The following POLG variants were observed in gnomAD, a reference collection of about 807,000 sequenced individuals.
POLG encodes DNA polymerase subunit gamma-1.
A neutral mutation model predicts 155.4 loss-of-function variants in POLG; 110 were observed. That is an observed-to-expected ratio of 0.71 (90% CI 0.61 to 0.83). POLG has a LOEUF of 0.83. Among genes scored for constraint, POLG ranks in the 40% least tolerant of loss-of-function variants. POLG has a pLI of 0.00. For missense variants in POLG, 1,685 were observed against 1,627.5 expected (o/e 1.04, Z -0.61); for synonymous variants, 701 against 631.5 (o/e 1.11, Z -1.65).
chr15:89,326,888 C>T (rs928192031), intron 8 of POLG, 24 bp downstream of exon 8: 2 of 1,613,712 alleles, frequency 1.2e-6, no homozygotes, highest in Admixed American at 3.3e-5. Flanking sequence ...CTACCCTACC[C>T]TACCTCCCAC....
Position 89,333,911 on chromosome 15 carries a change from A to C in POLG, c.-157T>G. 1 of 764,214 alleles carries C rather than the reference A, an allele frequency of 1.3e-6. No individual in the cohort carries two copies. Among genetic ancestry groups the C allele is most frequent in the African/African-American group, 1.7e-5 (1 of 57,468 alleles). The allele number at this position is 764,214 out of a possible 1,614,324, so 47.3% of individuals were successfully genotyped here. ...TGACCATGCCTGCCTTCCACCCCAA[A>C]TCCTAAAGGAGACAGATGATATAAA... On this transcript the variant is annotated splice_region_variant and 5_prime_UTR_variant, in exon 2 of 23. Coordinates refer to ENST00000268124, the MANE Select transcript of POLG (RefSeq NM_002693.3).
In POLG at chr15:89,316,375, C is replaced by CATTA. The variant is rs758928059; in HGVS notation, c.*372_*375dup. 1.2e-5 allele frequency: 19 copies of CATTA among 1,605,946 alleles called. No homozygotes were observed. The highest frequency in any genetic ancestry group is 5.1e-5 in the Admixed American group (3 of 59,372). ...TTGGAGCAGGTTTATCACGTTAGAG[C>CATTA]ATTAATTCTTTCCCCTTCTAGGGCA... On this transcript the variant is annotated 3_prime_UTR_variant, in exon 23 of 23. Coordinates refer to ENST00000268124, the MANE Select transcript of POLG (RefSeq NM_002693.3).
intron 9 of POLG, 131 bp from the exon 10 acceptor site, chr15:89,325,817 C>T (rs925483102): frequency 1.6e-5 from 12 of 770,260 alleles, no homozygotes; most frequent in African/African-American, 6.8e-5. Context: ...AGCCTACAGC[C>T]GCCATCCCCT....
chr15:89,327,559 A>C (rs1443576372), intron 6 of POLG, among the ~76,000 whole-genome samples: 1 of 152,192 alleles, frequency 6.6e-6, no homozygotes, highest in Non-Finnish European at 1.5e-5. Flanking sequence ...TAAAATGGGA[A>C]CAATATCATC....
At chr15:89,320,052 C>G (rs1193931708) in intron 18 of POLG, among the ~76,000 whole-genome samples, 1 of 152,246 alleles carries the variant, frequency 6.6e-6, no homozygotes, top group Non-Finnish European at 1.5e-5. Context: ...CTTACCCGAC[C>G]TCACTTTATC....
chr15:89,320,120 T>C (rs1423912689), intron 18 of POLG, among the ~76,000 whole-genome samples: 2 of 152,234 alleles, frequency 1.3e-5, no homozygotes, highest in African/African-American at 4.8e-5. Flanking sequence ...CACTATATCA[T>C]TTATCACATA....
In POLG at chr15:89,333,447, C is replaced by G. The variant is rs763390241; in HGVS notation, c.308G>C (p.Ser103Thr). 9.9e-6 allele frequency: 16 copies of G among 1,610,238 alleles called. No homozygotes were observed. The highest frequency in any genetic ancestry group is 1.3e-5 in the Non-Finnish European group (15 of 1,179,700). ...CCCGTGCTTCTGCAGGTGCTCGACG[C>G]TGCGGCGCACCGCGGCCTCGCCAGG... The part of the protein sequence containing the change: ...EMPGEAAVRR[S>T]VEHLQKHGLW... Residue 103 changes from serine (S) to threonine (T), a missense_variant, in exon 2 of 23, where the codon AGC becomes ACC. Physicochemically the swap from Ser to Thr is moderately conservative, Grantham distance 58. Around this residue, in one of 3 missense-constraint regions of POLG, gnomAD observed 1,210 missense variants for 1,167.1 expected, o/e 1.04. Transcript: ENST00000268124.
Position 89,330,226 on chromosome 15 carries a change from C to T in POLG, c.710G>A (p.Ser237Asn), listed in dbSNP as rs1275576932. 6.2e-7 allele frequency: 1 copy of T among 1,613,368 alleles called. No individual in the cohort carries two copies. Among genetic ancestry groups the T allele is most frequent in the Non-Finnish European group, 8.5e-7 (1 of 1,180,012 alleles). ...GATGAGGTCAGCCGGCGACAGCTGG[C>T]TGGTCCAAGAGTAACGCTCTTCCAC... ...RLVEERYSWT[S>N]QLSPADLIPL... is the part of the protein sequence containing the mutation. The change falls in exon 3 of 23, where the codon AGC becomes AAC. Residue 237 changes from serine to asparagine, a missense_variant. Ser to Asn is a conservative substitution (Grantham distance 46). Around this residue, in one of 3 missense-constraint regions of POLG, gnomAD observed 1,210 missense variants for 1,167.1 expected, o/e 1.04. Transcript: ENST00000268124.
rs186618556 is a variant in POLG, at chr15:89,323,128, A to G, written c.2266-226T>C. Among the ~76,000 whole-genome samples the G allele has an allele frequency of 1.4e-3, 213 of 152,356 alleles. 1 individual carries two copies. The highest frequency in any genetic ancestry group is 4.6e-3 in the African/African-American group (191 of 41,576). On this transcript the variant is annotated intron_variant, in intron 13 of 22. Coordinates refer to ENST00000268124, the MANE Select transcript of POLG (RefSeq NM_002693.3). The stretch of plus-strand genomic sequence containing the variant: ...ACAAGCAAACCTGGCTCCCTGCATA[A>G]TAACAAATCGGAAAAACCTATCACG...
rs760607209 is a variant in POLG at position 89,319,302 on chromosome 15, G to A, written c.3030C>T (p.Leu1010=). The A allele has an allele frequency of 4.0e-5, 65 of 1,614,030 alleles. No individual in the cohort carries two copies. Among genetic ancestry groups the A allele is most frequent in the Non-Finnish European group, 5.2e-5 (61 of 1,180,022 alleles). The part of the protein sequence containing the change: ...EGEWLVRELN[L]PVDRTEGGWI... Reference sequence around the variant, plus strand: ...AGCCACCCTCAGTCCTGTCCACTGGGAGGTTCAACTCCCTCACCAGCCACT... The same window carrying A: ...AGCCACCCTCAGTCCTGTCCACTGGAAGGTTCAACTCCCTCACCAGCCACT... Residue 1010 remains leucine, a synonymous_variant, in exon 19 of 23, where the codon CTC becomes CTT. Coordinates refer to ENST00000268124, the MANE Select transcript of POLG (RefSeq NM_002693.3).
At chr15:89,323,565 A>G (rs923616074) in intron 12 of POLG, 54 bp from the exon 13 acceptor site, 19 of 1,176,344 alleles carry the variant, frequency 1.6e-5, no homozygotes, top group Admixed American at 1.4e-4. Flanking sequence ...GCATTCAGCA[A>G]GGGCCATGGG....
intron 10 of POLG, among the ~76,000 whole-genome samples, chr15:89,325,111 A>AGTGAGTGAGTGAGAGAGTGAGT (rs1555453311): frequency 5.4e-5 from 2 of 36,912 alleles, no homozygotes; most frequent in Non-Finnish European, 9.9e-5. Context: ...AGAGTGAGAG[A>AGTGAGTGAGTGAGAGAGTGAGT]GAGTGAGTGA....
Position 89,323,496 on chromosome 15 carries a change from G to A in POLG, c.2173C>T (p.Pro725Ser). 6.2e-7 allele frequency: 1 copy of A among 1,611,482 alleles called. No homozygotes were observed. Among genetic ancestry groups the A allele is most frequent in the Non-Finnish European group, 8.5e-7 (1 of 1,177,604 alleles). ...QPLALTARGGPKDTQPSYHHG... is the reference protein window; with the variant it reads ...QPLALTARGGSKDTQPSYHHG... ...TGATAGCTGGGCTGGGTGTCCTTGG[G>A]GCCACCACGGGCAGTCTGTGAGGGC... The change falls in exon 13 of 23, where the codon CCC becomes TCC. Residue 725 changes from proline (P) to serine (S), a missense_variant. This residue lies in a region of POLG where 1,210 missense variants were observed against 1,167.1 expected (regional missense o/e 1.04). Transcript: ENST00000268124.
chr15:89,326,437 G>A (rs2055518443), intron 9 of POLG, among the ~76,000 whole-genome samples, 175 bp downstream of exon 9: 1 of 152,236 alleles, frequency 6.6e-6, no homozygotes, highest in East Asian at 1.9e-4. Context: ...AGTCCAGTGA[G>A]CCGGTCCAGA....
In POLG at chr15:89,318,655, A is replaced by G. The variant is rs1441495346; in HGVS notation, c.3368T>C (p.Phe1123Ser). ...LVAMKWLFEE[F>S]AIDGRFCISI... ...GATGCAGAAGCGCCCATCTATGGCA[A>G]ACTCTTCAAACAGCCACTTCATGGC... is the stretch of plus-strand genomic sequence containing the variant. Residue 1123 changes from phenylalanine to serine, a missense_variant, in exon 21 of 23, where the codon TTT (phenylalanine) becomes TCT (serine). Coordinates refer to ENST00000268124, the MANE Select transcript of POLG (RefSeq NM_002693.3). 5.6e-6 allele frequency: 9 copies of G among 1,614,134 alleles called. No individual in the cohort carries two copies. Among genetic ancestry groups the G allele is most frequent in the Admixed American group, 3.3e-5 (2 of 60,012 alleles).
rs1411317487 is a variant in POLG at position 89,316,457 on chromosome 15, T to A, written c.*294A>T. The A allele has an allele frequency of 3.7e-6, 6 of 1,609,074 alleles. No homozygotes were observed. The highest frequency in any genetic ancestry group is 5.1e-6 in the Non-Finnish European group (6 of 1,177,166). On this transcript the variant is annotated 3_prime_UTR_variant, in exon 23 of 23. Coordinates refer to ENST00000268124, the MANE Select transcript of POLG (RefSeq NM_002693.3). ...ACCAGCCAAGAAGAAAAGGAAAAAA[T>A]AAATGAAATGCCTGAGTTAATGTGA...
chr15:89,317,057 T>C (rs2055292394), intron 22 of POLG: 1 of 592,768 alleles, frequency 1.7e-6, no homozygotes, highest in Admixed American at 3.0e-5. Flanking sequence ...GTTTGGTATT[T>C]AAAGCACAGT....
At position 89,325,580 on chromosome 15, in the gene POLG, A is replaced by T; in HGVS notation, c.1819T>A (p.Trp607Arg). Residue 607 changes from tryptophan to arginine, a missense_variant, in exon 10 of 23, where the codon TGG becomes AGG. Coordinates refer to ENST00000268124, the MANE Select transcript of POLG (RefSeq NM_002693.3). ...RVTPKLMALT[W>R]DGFPLHYSER... ...GAGTAGTGCAGAGGGAAGCCATCCC[A>T]GGTAAGTGCCATGAGTTTAGGTGTG... is the stretch of plus-strand genomic sequence containing the variant. The T allele has an allele frequency of 6.2e-7, 1 of 1,613,796 alleles. No individual in the cohort carries two copies. The highest frequency in any genetic ancestry group is 8.5e-7 in the Non-Finnish European group (1 of 1,179,992).
rs1252444541 is a variant in POLG, at chr15:89,324,092, A to G, written c.2070+15T>C. ...CCTCCCCTCCCCAAAGCTCAGGTTCAGAGCCTGCCCTCACCGTTTGCCATA... is the reference window on the plus strand; with the variant it reads ...CCTCCCCTCCCCAAAGCTCAGGTTCGGAGCCTGCCCTCACCGTTTGCCATA... On this transcript the variant is annotated intron_variant, in intron 11 of 22. Transcript: ENST00000268124. 1 of 1,613,846 alleles carries G rather than the reference A, an allele frequency of 6.2e-7. No homozygotes were observed. Among genetic ancestry groups the G allele is most frequent in the East Asian group, 2.2e-5 (1 of 44,898 alleles).
Sources: allele counts gnomAD v4.1 joint callset (sites outside exome capture counted in the v4.1 genomes callset), GRCh38; gene constraint gnomAD v4.1.1; regional missense constraint gnomAD v4.1.1; transcripts MANE v1.5; gene names NCBI Gene and HGNC (gene_info 2026-07-23, HGNC 2026-07-21).